The following GLB1 variants were observed in gnomAD, a reference collection of about 807,000 sequenced individuals.
GLB1 encodes the protein galactosidase beta 1, also known as beta-galactosidase.
Under a neutral mutation model 74.0 loss-of-function variants are expected in GLB1, and 56 were observed. That is an observed-to-expected ratio of 0.76 (90% CI 0.61 to 0.94). The LOEUF (loss-of-function observed/expected upper bound fraction) is 0.94. Among genes scored for constraint, GLB1 ranks in the 40% least tolerant of loss-of-function variants. GLB1 has a pLI of 0.00. For missense variants in GLB1, 787 were observed against 845.5 expected (o/e 0.93, Z 0.86); for synonymous variants, 323 against 323.6 (o/e 1.00, Z 0.02).
intron 5 of GLB1, chr3:33,061,595 G>T (rs547303229): frequency 6.6e-6 from 1 of 152,274 alleles, no homozygotes; most frequent in East Asian, 1.9e-4. Flanking sequence ...GCCATAATTT[G>T]CAGGTCTTTG....
chr3:32,996,888 C>A lies in GLB1; in HGVS notation c.*157G>T. 7.2e-7 allele frequency: 1 copy of A among 1,388,410 alleles called. No homozygotes were observed. The highest frequency in any genetic ancestry group is 1.9e-5 in the Admixed American group (1 of 52,132). 86.0% of individuals were successfully genotyped at this position (1,388,410 alleles called of 1,614,324 possible). On this transcript the variant is annotated 3_prime_UTR_variant, in exon 16 of 16. Coordinates refer to ENST00000307363, the MANE Select transcript of GLB1 (RefSeq NM_000404.4). Reference sequence around the variant, plus strand: ...TTCCAGGTGGTCCCTGAAGGTGGGGCTTTGGCACTGCAGGGATGCAGGGAA... The same window carrying A: ...TTCCAGGTGGTCCCTGAAGGTGGGGATTTGGCACTGCAGGGATGCAGGGAA...
At chr3:32,970,818 G>GCTCTTACC in the GLB1 span, among the ~76,000 whole-genome samples, 1 of 152,244 alleles carries the variant, frequency 6.6e-6, no homozygotes, top group African/African-American at 2.4e-5. Context: ...CACACTGGAA[G>GCTCTTACC]CTAAGCTCTT....
chr3:33,018,046 G>A (rs1006408111), intron 13 of GLB1, among the ~76,000 whole-genome samples: 9 of 152,110 alleles, frequency 5.9e-5, no homozygotes, highest in Non-Finnish European at 1.2e-4. Context: ...CAATTTGGGA[G>A]CCTGAGGCAG....
At chr3:32,990,032 A>G in the GLB1 span, among the ~76,000 whole-genome samples, 1 of 152,158 alleles carries the variant, frequency 6.6e-6, no homozygotes, top group African/African-American at 2.4e-5. Context: ...GAAAATAACC[A>G]ATTTTTCAGG....
At chr3:33,055,994 G>A (rs755588897) in intron 6 of GLB1, among the ~76,000 whole-genome samples, 54 of 151,596 alleles carry the variant, frequency 3.6e-4, no homozygotes, top group Non-Finnish European at 6.6e-4. Context: ...TTGGGAGGCC[G>A]AGGCAGGCAG....
Position 33,024,339 on chromosome 3 carries a change from T to A in GLB1, c.1069-14A>T. 1 of 1,607,654 alleles carries A rather than the reference T, an allele frequency of 6.2e-7. No individual in the cohort carries two copies. Among genetic ancestry groups the A allele is most frequent in the South Asian group, 1.1e-5 (1 of 89,874 alleles). On this transcript the variant is annotated splice_polypyrimidine_tract_variant and intron_variant, in intron 10 of 15. Transcript: ENST00000307363. ...TACTTTTTCAAACTATAAACCAGAG[T>A]AGAAAAAGAGAGAAAAGAAAAAAAG...
intron 9 of GLB1, among the ~76,000 whole-genome samples, chr3:33,050,763 T>A (rs1313079945): frequency 6.6e-6 from 1 of 152,186 alleles, no homozygotes; most frequent in Admixed American, 6.5e-5. Flanking sequence ...ACTTAAAAAT[T>A]GTCAATTTTA....
At chr3:33,009,182 T>C (rs1048339149) in intron 15 of GLB1, among the ~76,000 whole-genome samples, 7 of 146,224 alleles carry the variant, frequency 4.8e-5, no homozygotes, top group Admixed American at 4.7e-4. Context: ...GGCCTAGGCT[T>C]GGTAGAGGAA....
chr3:33,081,153 G>T (rs1278396033), intron 1 of GLB1, among the ~76,000 whole-genome samples: 1 of 152,176 alleles, frequency 6.6e-6, no homozygotes, highest in East Asian at 1.9e-4. Flanking sequence ...ATGGGCTCAG[G>T]TGAGCCATCC....
chr3:33,091,264 C>CCAG (rs1700747833), intron 1 of GLB1: 4 of 985,336 alleles, frequency 4.1e-6, no homozygotes, highest in East Asian at 1.1e-4. Flanking sequence ...CTGTCAATAC[C>CCAG]GTGGCTGCCT....
At chr3:32,998,045 G>A (rs1559375337) in intron 15 of GLB1, among the ~76,000 whole-genome samples, 1 of 152,204 alleles carries the variant, frequency 6.6e-6, no homozygotes. Flanking sequence ...GTTAGGGTGT[G>A]GACTCCATGT....
intron 13 of GLB1, 108 bp downstream of exon 13, chr3:33,018,340 C>T: frequency 1.7e-6 from 1 of 587,188 alleles, no homozygotes; most frequent in South Asian, 1.5e-5. Flanking sequence ...TGGGTAGAGC[C>T]TGAGGCTGAA....
intron 10 of GLB1, among the ~76,000 whole-genome samples, chr3:33,031,207 T>C (rs1192466903): frequency 6.6e-6 from 1 of 152,194 alleles, no homozygotes; most frequent in Non-Finnish European, 1.5e-5. Flanking sequence ...TATTCCGCTT[T>C]TTGAGTCTTT....
intron 1 of GLB1, among the ~76,000 whole-genome samples, chr3:33,088,863 C>T (rs1559420074): frequency 6.6e-6 from 1 of 152,156 alleles, no homozygotes; most frequent in Non-Finnish European, 1.5e-5. Context: ...TTGAAAGACT[C>T]ATACCTCCTG....
At position 33,051,236 on chromosome 3, in the gene GLB1, A is replaced by G. The variant is rs866868672; in HGVS notation, c.955+522T>C. On this transcript the variant is annotated intron_variant, in intron 9 of 15. Transcript: ENST00000307363. ...GCGACAGAGCGAGACTGCGTCTCAA[A>G]AAAAAAAAAAAAAAAAAAAAGTAAG... Among the ~76,000 whole-genome samples the G allele has an allele frequency of 1.1e-3, 135 of 127,640 alleles. 3 individuals are homozygous for G. Among genetic ancestry groups the G allele is most frequent in the Middle Eastern group, 3.9e-3 (1 of 256 alleles). 83.7% of individuals were successfully genotyped at this position (127,640 alleles called of 152,430 possible).
At chr3:33,019,017 T>C (rs1039724008) in intron 12 of GLB1, among the ~76,000 whole-genome samples, 2 of 152,170 alleles carry the variant, frequency 1.3e-5, no homozygotes, top group East Asian at 1.9e-4. Flanking sequence ...TGCTTTAACA[T>C]ACAAAACAAA....
intron 1 of GLB1, among the ~76,000 whole-genome samples, chr3:33,088,232 C>G (rs1700605825): frequency 6.6e-6 from 1 of 152,152 alleles, no homozygotes; most frequent in Admixed American, 6.5e-5. Flanking sequence ...TTTGCCACTT[C>G]TACTCAACAT....
At chr3:33,096,360 C>T in intron 1 of GLB1, 6 of 979,672 alleles carry the variant, frequency 6.1e-6, no homozygotes, top group Middle Eastern at 5.2e-4. Flanking sequence ...GCCAGCCCTG[C>T]CCCGATCAAC....
rs1304242411 is a variant in GLB1, at chr3:33,036,171, T to C, written c.1068+9949A>G. Among the ~76,000 whole-genome samples the C allele has an allele frequency of 1.3e-5, 2 of 152,142 alleles. 1 individual carries two copies. The highest frequency in any genetic ancestry group is 1.3e-4 in the Admixed American group (2 of 15,276). ...TTCCAGAGTGTGACAGTCAGAATGG[T>C]CCCAGCAGTGGTTCATAGAGCAGGG... is the stretch of plus-strand genomic sequence containing the variant. On this transcript the variant is annotated intron_variant, in intron 10 of 15. Transcript: ENST00000307363.
Sources: allele counts gnomAD v4.1 joint callset (sites outside exome capture counted in the v4.1 genomes callset), GRCh38; gene constraint gnomAD v4.1.1; transcripts MANE v1.5; gene names NCBI Gene and HGNC (gene_info 2026-07-23, HGNC 2026-07-21).